ZBTB48: variants seen among roughly 807,000 people sequenced by gnomAD.
The protein encoded by ZBTB48 is zinc finger and BTB domain-containing protein 48.
ZBTB48 carries 35 observed loss-of-function variants against 64.5 expected under a neutral mutation model. That is an observed-to-expected ratio of 0.54 (90% confidence interval 0.41 to 0.72). ZBTB48 has a LOEUF of 0.72. Among genes scored for constraint, ZBTB48 ranks in the 30% least tolerant of loss-of-function variants. The pLI is 0.00. For missense variants in ZBTB48, 828 were observed against 895.3 expected, an observed-to-expected ratio of 0.92 and a Z score of 0.96; for synonymous variants, 442 against 356.7, an observed-to-expected ratio of 1.24 and a Z score of -2.70.
chr1:6,584,567 C>G lies in ZBTB48; in HGVS notation c.933-1352C>G, dbSNP rs988300841. On this transcript the variant is annotated intron_variant, in intron 3 of 10. Coordinates refer to ENST00000377674, the MANE Select transcript of ZBTB48 (RefSeq NM_005341.4). The surrounding 1 kb of genome is among the most constrained non-coding windows in gnomAD (Gnocchi z 4.5). ...GAAACCCGTTCGCTGTCCCTGTGCA[C>G]CGTGTTCAGGGCAGCTGCTGCCAGT... is the stretch of plus-strand genomic sequence containing the variant. Among the ~76,000 whole-genome samples, 1 of 152,246 alleles carries G rather than the reference C, an allele frequency of 6.6e-6. No individual in the cohort carries two copies. The highest frequency in any genetic ancestry group is 2.1e-4 in the South Asian group (1 of 4,830).
In ZBTB48 at chr1:6,580,617, G is replaced by A; in HGVS notation, c.8G>A (p.Gly3Asp). Reference sequence around the variant, plus strand: ...CTCCCTGCCCTCCAGACCATGGACGGCTCCTTCGTCCAGCACAGTGTGAGG... The same window carrying A: ...CTCCCTGCCCTCCAGACCATGGACGACTCCTTCGTCCAGCACAGTGTGAGG... MDGSFVQHSVRVL... is the reference protein window; with the variant it reads MDDSFVQHSVRVL... Residue 3 changes from glycine (G) to aspartate (D), a missense_variant, in exon 2 of 11, where the codon GGC becomes GAC. By Grantham distance (94) the Gly-to-Asp change is moderately conservative. Transcript: ENST00000377674. The surrounding 1 kb of genome is among the most constrained non-coding windows in gnomAD (Gnocchi z 5.2). 1 of 1,608,666 alleles carries A rather than the reference G, an allele frequency of 6.2e-7. No individual in the cohort carries two copies. Among genetic ancestry groups the A allele is most frequent in the Non-Finnish European group, 8.5e-7 (1 of 1,176,008 alleles).
At chr1:6,582,987 GTTTT>G (rs1640525477) in intron 3 of ZBTB48, among the ~76,000 whole-genome samples, 2 of 146,878 alleles carry the variant, frequency 1.4e-5, no homozygotes, top group African/African-American at 5.1e-5. Flanking sequence ...GCTATTTTAT[GTTTT>G]TTGTTTGTTT....
rs776161732 is a variant in ZBTB48 at position 6,587,097 on chromosome 1, T to G, written c.1138-108T>G. The stretch of plus-strand genomic sequence containing the variant: ...CACCAGATCAGGGGTCCTCCCAGAA[T>G]CATCTCACCGGGGCCTCCCTCTAGT... On this transcript the variant is annotated intron_variant, in intron 5 of 10. Coordinates refer to ENST00000377674, the MANE Select transcript of ZBTB48 (RefSeq NM_005341.4). 31 of 1,231,106 alleles carry G rather than the reference T, an allele frequency of 2.5e-5. No homozygotes were observed. In the East Asian group the frequency reaches 7.3e-4, roughly 29 times the overall value. The allele number at this position is 1,231,106 out of a possible 1,614,324, so 76.3% of individuals were successfully genotyped here.
At position 6,587,522 on chromosome 1, in the gene ZBTB48, G is replaced by A. The variant is rs144977476; in HGVS notation, c.1269G>A (p.Gln423=). 5.6e-6 allele frequency: 9 copies of A among 1,614,120 alleles called. No individual in the cohort carries two copies. In the African/African-American group the frequency reaches 1.2e-4, roughly 22 times the overall value. The change falls in exon 7 of 11, where the codon CAG becomes CAA. Residue 423 remains glutamine, a synonymous_variant. Transcript: ENST00000377674. ...GCTTCCTGTCTCGGACAGAGCTGCA[G>A]CTGCATGAAGCTTTCAAGCACCGTG... is the stretch of plus-strand genomic sequence containing the variant. The part of the protein sequence containing the change: ...AKCFLSRTEL[Q]LHEAFKHRGE...
At chr1:6,586,326 G>A in intron 4 of ZBTB48, 1 of 503,252 alleles carries the variant, frequency 2.0e-6, no homozygotes, top group Non-Finnish European at 3.6e-6. Flanking sequence ...ACAGGGGATG[G>A]CAGCTGGGAA....
chr1:6,588,021 C>T (rs573748242), intron 7 of ZBTB48, 39 bp from the exon 8 acceptor site: 3 of 1,611,948 alleles, frequency 1.9e-6, no homozygotes, highest in African/African-American at 1.3e-5. Flanking sequence ...GGTCACTTCC[C>T]TTGGTGATGG....
At chr1:6,588,605 C>T in intron 9 of ZBTB48, 151 bp from the exon 10 acceptor site, 2 of 1,443,860 alleles carry the variant, frequency 1.4e-6, no homozygotes, top group Non-Finnish European at 1.9e-6. Flanking sequence ...GCAGTAGTGA[C>T]CCTGGGTGGC....
At chr1:6,588,016 C>T (rs1482953887) in intron 7 of ZBTB48, 44 bp from the exon 8 acceptor site, 1 of 1,611,026 alleles carries the variant, frequency 6.2e-7, no homozygotes, top group South Asian at 1.1e-5. Context: ...AAGGGGGTCA[C>T]TTCCCTTGGT....
At chr1:6,583,776 C>CTTTTT (rs36102416) in intron 3 of ZBTB48, among the ~76,000 whole-genome samples, 1 of 85,888 alleles carries the variant, frequency 1.2e-5, no homozygotes, top group Non-Finnish European at 2.3e-5. Context: ...AATTGTTTTA[C>CTTTTT]TTTTTTTTTT....
rs781624047 is a variant in ZBTB48, at chr1:6,588,378, C to T, written c.1617C>T (p.His539=). 1.0e-5 allele frequency: 16 copies of T among 1,594,072 alleles called. No individual in the cohort carries two copies. The highest frequency in any genetic ancestry group is 1.7e-4 in the Middle Eastern group (1 of 5,994). The change falls in exon 9 of 11, where the codon CAC becomes CAT. Residue 539 remains histidine (H), a synonymous_variant. Coordinates refer to ENST00000377674, the MANE Select transcript of ZBTB48 (RefSeq NM_005341.4). ...CTGAGAAGGGGCCCCTCCTGAGGCA[C>T]GTGGCCAGCCGCCATCAGGAGGGCC... ...RFTEKGPLLR[H]VASRHQEGRP...
intron 4 of ZBTB48, 190 bp from the exon 5 acceptor site, chr1:6,586,505 G>C: frequency 8.1e-7 from 1 of 1,237,516 alleles, no homozygotes; most frequent in Non-Finnish European, 1.1e-6. Context: ...GAAGGGCCTG[G>C]TGTGCGGTGG....
Position 6,586,115 on chromosome 1 carries a change from CTG to C in ZBTB48, c.1044+87_1044+88del, listed in dbSNP as rs563494454. ...GCCATCCGGGAAGGGCCCCAGGAGA[CTG>C]TCTGAGAGGGGTACTGTAAACTCAG... On this transcript the variant is annotated intron_variant, in intron 4 of 10. Coordinates refer to ENST00000377674, the MANE Select transcript of ZBTB48 (RefSeq NM_005341.4). 137 of 1,368,654 alleles carry C rather than the reference CTG, an allele frequency of 1.0e-4. 1 individual carries two copies. The South Asian group carries it at 1.4e-3, about 14-fold the overall frequency. 84.8% of individuals were successfully genotyped at this position (1,368,654 alleles called of 1,614,324 possible).
intron 5 of ZBTB48, 163 bp from the exon 6 acceptor site, chr1:6,587,042 C>A (rs1570174254): frequency 1.1e-6 from 1 of 902,254 alleles, no homozygotes. Flanking sequence ...GCAGCTGAGC[C>A]CTGAGGGCCC....
chr1:6,588,226 TC>T, intron 8 of ZBTB48, 30 bp downstream of exon 8: 1 of 1,612,802 alleles, frequency 6.2e-7, no homozygotes, highest in Non-Finnish European at 8.5e-7. Context: ...TCCCCTCGCC[TC>T]CCCATCCTGA....
Position 6,582,251 on chromosome 1 carries a change from CAT to C in ZBTB48, c.885_886del (p.Cys296SerfsTer2), listed in dbSNP as rs778337063. ...ACAGCGGTGCCGGTCGAATGCCCCA[CAT>C]GTCATAAAAAGTTCCTCAGCAAATA... On this transcript the variant is annotated frameshift_variant, in exon 3 of 11. Transcript: ENST00000377674. LOFTEE classifies it high-confidence loss of function. 7 of 1,613,638 alleles carry C rather than the reference CAT, an allele frequency of 4.3e-6. No homozygotes were observed. The highest frequency in any genetic ancestry group is 1.3e-5 in the African/African-American group (1 of 75,040).
rs914730777 is a variant in ZBTB48, at chr1:6,580,443, C to T, written c.-69-98C>T. On this transcript the variant is annotated intron_variant, in intron 1 of 10. Transcript: ENST00000377674. This position sits in a 1 kb window ranked among gnomAD's most constrained non-coding sequence, Gnocchi z 5.2. ...CGGGAGGCTGTCAGTGTGTTCCAGC[C>T]CTCCGCGTGCACCCCTCACCCTGAC... 1.6e-5 allele frequency: 11 copies of T among 704,744 alleles called. No individual in the cohort carries two copies. The highest frequency in any genetic ancestry group is 3.9e-5 in the South Asian group (2 of 51,602). The allele number at this position is 704,744 out of a possible 1,614,324, so 43.7% of individuals were successfully genotyped here.
chr1:6,582,845 C>T (rs571862749), intron 3 of ZBTB48, among the ~76,000 whole-genome samples: 2 of 152,344 alleles, frequency 1.3e-5, no homozygotes, highest in Admixed American at 6.5e-5. Context: ...TTTATTTTTA[C>T]ATTTAATGGA....
intron 3 of ZBTB48, among the ~76,000 whole-genome samples, chr1:6,582,874 T>G (rs1640519786): frequency 6.6e-6 from 1 of 152,254 alleles, no homozygotes; most frequent in Admixed American, 6.5e-5. Flanking sequence ...TTTGCTCTGT[T>G]GCCCAGGCTG....
Position 6,581,319 on chromosome 1 carries a change from G to C in ZBTB48, c.690+20G>C. 6.4e-7 allele frequency: 1 copy of C among 1,561,152 alleles called. No homozygotes were observed. Among genetic ancestry groups the C allele is most frequent in the South Asian group, 1.2e-5 (1 of 86,342 alleles). ...AATGAGGTACTGTGCCCAGGGTGTT[G>C]GGACTGGGGAGACAAATAGAGGGAA... On this transcript the variant is annotated intron_variant, in intron 2 of 10. Coordinates refer to ENST00000377674, the MANE Select transcript of ZBTB48 (RefSeq NM_005341.4).
Sources: gnomAD v4.1 joint callset for allele counts (sites outside exome capture counted in the v4.1 genomes callset) on GRCh38, gnomAD v4.1.1 for gene constraint, Gnocchi (gnomAD v3.1) non-coding constraint, MANE v1.5 for transcripts, NCBI Gene and HGNC (gene_info 2026-07-23, HGNC 2026-07-21) for gene names.